The following ATP11C variants were observed in gnomAD, a reference collection of about 807,000 sequenced individuals.
The protein encoded by ATP11C is phospholipid-transporting ATPase IG.
Under a neutral mutation model 97.4 loss-of-function variants are expected in ATP11C, and 36 were observed. The observed-to-expected ratio is 0.37, with a 90% CI of 0.28 to 0.49. The LOEUF (loss-of-function observed/expected upper bound fraction) is 0.49. Ranked by LOEUF, ATP11C falls within the 20% of genes least tolerant of loss-of-function variation. ATP11C has a pLI of 0.98. For missense variants in ATP11C, 730 were observed against 824.6 expected, an observed-to-expected ratio of 0.89 and a Z score of 1.40; for synonymous variants, 275 against 290.9, an observed-to-expected ratio of 0.95 and a Z score of 0.56.
chrX:139,798,718 G>A lies in ATP11C; in HGVS notation c.736C>T (p.Leu246=). ...GTATTTTTTAGCGTAGCTCCTTTCA[G>A]CAAGAGATTTTCAGGTCCCAAAGAC... is the stretch of plus-strand genomic sequence containing the variant. ...ARSLGPENLL[L]KGATLKNTEK... Residue 246 remains leucine, a synonymous_variant, in exon 9 of 30, where the codon CTG becomes TTG. Coordinates refer to ENST00000682941, the MANE Select transcript of ATP11C (RefSeq NM_001353812.2). The A allele has an allele frequency of 8.3e-7, 1 of 1,206,656 alleles. No individual in the cohort carries two copies. Among genetic ancestry groups the A allele is most frequent in the Non-Finnish European group, 1.1e-6 (1 of 892,317 alleles).
intron 27 of ATP11C, among the ~76,000 whole-genome samples, chrX:139,740,593 A>G (rs147061802): frequency 8.9e-6 from 1 of 112,108 alleles, no homozygotes; most frequent in African/African-American, 3.2e-5. Flanking sequence ...TATACTATCA[A>G]GAGAAAATAA....
intron 5 of ATP11C, among the ~76,000 whole-genome samples, chrX:139,811,990 T>C (rs986213287): frequency 2.7e-5 from 3 of 111,730 alleles, no homozygotes; most frequent in African/African-American, 9.8e-5. Context: ...TTGCCTAAGC[T>C]ATATCTCTCT....
intron 1 of ATP11C, among the ~76,000 whole-genome samples, chrX:139,917,682 C>G (rs1434087323): frequency 9.0e-6 from 1 of 111,536 alleles, no homozygotes; most frequent in Non-Finnish European, 1.9e-5. Flanking sequence ...ATAGGTCAGG[C>G]GTGGTGGTTC....
At chrX:139,926,075 T>C (rs1186523571) in intron 1 of ATP11C, among the ~76,000 whole-genome samples, 1 of 111,369 alleles carries the variant, frequency 9.0e-6, no homozygotes, top group Non-Finnish European at 1.9e-5. Flanking sequence ...TGTGCCAGTA[T>C]GTTTTGTTTT....
intron 12 of ATP11C, among the ~76,000 whole-genome samples, chrX:139,790,464 TCACA>T (rs56853640): frequency 0.062 from 6,117 of 99,113 alleles, 323 homozygotes; most frequent in African/African-American, 0.17. Context: ...TCTCTCTCAC[TCACA>T]CACACACACA....
intron 19 of ATP11C, among the ~76,000 whole-genome samples, chrX:139,772,773 C>T (rs150089467): frequency 0.015 from 1,697 of 111,763 alleles, 19 homozygotes; most frequent in Middle Eastern, 0.037. Flanking sequence ...AATACCTGTA[C>T]CCCCATTGTA....
At chrX:139,927,572 C>A (rs1414597635) in intron 1 of ATP11C, among the ~76,000 whole-genome samples, 1 of 109,729 alleles carries the variant, frequency 9.1e-6, no homozygotes, top group African/African-American at 3.3e-5. Flanking sequence ...CCATTGCACT[C>A]CAGCCTGGAT....
At chrX:139,839,929 G>A (rs1430786188) in intron 1 of ATP11C, among the ~76,000 whole-genome samples, 4 of 110,262 alleles carry the variant, frequency 3.6e-5, no homozygotes, top group Non-Finnish European at 3.8e-5. Context: ...GTTTCCCTCG[G>A]CATAGAATAC....
At chrX:139,777,515 T>C (rs972563631) in intron 18 of ATP11C, among the ~76,000 whole-genome samples, 3 of 110,728 alleles carry the variant, frequency 2.7e-5, no homozygotes, top group African/African-American at 9.8e-5. Context: ...TTGAGAAATA[T>C]GGGATTATGT....
rs1369825511 is a variant in ATP11C at position 139,728,701 on chromosome X, C to T, written c.*265G>A. ...AAAGCCAGAATTCTAAGTATTCTTGCTTTCAACTTTCATATAATTCTTAAC... is the reference window on the plus strand; with the variant it reads ...AAAGCCAGAATTCTAAGTATTCTTGTTTTCAACTTTCATATAATTCTTAAC... On this transcript the variant is annotated 3_prime_UTR_variant, in exon 30 of 30. Transcript: ENST00000682941. The T allele has an allele frequency of 2.9e-6, 1 of 339,570 alleles. No homozygotes were observed. The highest frequency in any genetic ancestry group is 2.6e-5 in the African/African-American group (1 of 38,796). 28.0% of individuals were successfully genotyped at this position (339,570 alleles called of 1,213,427 possible). A position where few individuals can be genotyped will look rare whatever the true frequency, so the allele number is the denominator to read the frequency against.
intron 12 of ATP11C, among the ~76,000 whole-genome samples, chrX:139,790,340 A>G (rs1189184423): frequency 1.8e-5 from 2 of 111,202 alleles, no homozygotes; most frequent in Non-Finnish European, 3.8e-5. Flanking sequence ...AAGTGTTGGG[A>G]TTATAGGCAT....
intron 18 of ATP11C, among the ~76,000 whole-genome samples, chrX:139,782,244 G>A (rs1027703884): frequency 4.6e-5 from 5 of 108,123 alleles, no homozygotes; most frequent in Admixed American, 9.9e-5. Context: ...GGAGAACGGC[G>A]TGAACCTGGG....
At chrX:139,844,289 G>T (rs1321162179) in intron 1 of ATP11C, among the ~76,000 whole-genome samples, 1 of 112,372 alleles carries the variant, frequency 8.9e-6, no homozygotes, top group East Asian at 2.8e-4. Flanking sequence ...TATGATAAAT[G>T]ACTCAGTTTA....
At chrX:139,811,427 C>T (rs994795650) in intron 5 of ATP11C, among the ~76,000 whole-genome samples, 16 of 111,907 alleles carry the variant, frequency 1.4e-4, no homozygotes, top group African/African-American at 5.2e-4. Context: ...TTTCTCTTCA[C>T]TCCCACCTCT....
chrX:139,841,409 G>A (rs1318749599), intron 1 of ATP11C, among the ~76,000 whole-genome samples: 1 of 112,509 alleles, frequency 8.9e-6, no homozygotes, highest in Non-Finnish European at 1.9e-5. Flanking sequence ...ACCTTTCTAA[G>A]ACCAAAGAAT....
chrX:139,809,613 A>G (rs2083124177), intron 5 of ATP11C, among the ~76,000 whole-genome samples: 1 of 112,435 alleles, frequency 8.9e-6, no homozygotes, highest in Non-Finnish European at 1.9e-5. Flanking sequence ...TGGTTGTACA[A>G]CATTGTGAAT....
At chrX:139,764,209 A>C (rs1174697874) in intron 20 of ATP11C, among the ~76,000 whole-genome samples, 2 of 112,317 alleles carry the variant, frequency 1.8e-5, no homozygotes, top group Admixed American at 9.4e-5. Flanking sequence ...GATGCCAACT[A>C]AACTTTAATA....
At chrX:139,754,271 C>A (rs924782504) in intron 23 of ATP11C, among the ~76,000 whole-genome samples, 2 of 110,946 alleles carry the variant, frequency 1.8e-5, no homozygotes, top group African/African-American at 6.6e-5. Flanking sequence ...CAAGACTGAA[C>A]CAGTCAGAAA....
intron 1 of ATP11C, among the ~76,000 whole-genome samples, chrX:139,916,851 T>C (rs2085163043): frequency 1.8e-5 from 2 of 111,653 alleles, no homozygotes; most frequent in African/African-American, 6.5e-5. Context: ...ACTCCTGATT[T>C]CAAAACATAT....
Sources: allele counts gnomAD v4.1 joint callset (sites outside exome capture counted in the v4.1 genomes callset), GRCh38; gene constraint gnomAD v4.1.1; transcripts MANE v1.5; gene names NCBI Gene and HGNC (gene_info 2026-07-23, HGNC 2026-07-21).